Variants in ULK4 observed in about 807,000 individuals in gnomAD.
ULK4 encodes the protein unc-51 like kinase 4.
A neutral mutation model predicts 160.6 loss-of-function variants in ULK4; 133 were observed. The observed-to-expected ratio is 0.83, with a 90% CI of 0.72 to 0.96. ULK4 has a LOEUF of 0.96. Among genes scored for constraint, ULK4 ranks in the 40% least tolerant of loss-of-function variants. The pLI, the probability that ULK4 is intolerant of heterozygous loss-of-function variation, is 0.00. For synonymous variants in ULK4, 534 were observed against 539.8 expected, an observed-to-expected ratio of 0.99 and a Z score of 0.15; for missense variants, 1,580 against 1,499.5, an observed-to-expected ratio of 1.05 and a Z score of -0.89.
At position 41,561,790 on chromosome 3, in the gene ULK4, G is replaced by A. The variant is rs142129938; in HGVS notation, c.3226+4235C>T. On this transcript the variant is annotated intron_variant, in intron 32 of 36. Transcript: ENST00000301831. ...ACTCTTGCTAGTGGTCTATTAAGTCGTTGATCTTTTGAAAAAACCAGCTCC... is the reference window on the plus strand; with the variant it reads ...ACTCTTGCTAGTGGTCTATTAAGTCATTGATCTTTTGAAAAAACCAGCTCC... Among the ~76,000 whole-genome samples, 717 of 151,956 alleles carry A rather than the reference G, an allele frequency of 4.7e-3. 4 individuals carry two copies. Among genetic ancestry groups the A allele is most frequent in the African/African-American group, 0.016 (680 of 41,470 alleles).
rs561464019 is a variant in ULK4, at chr3:41,528,235, G to T, written c.3226+37790C>A. ...TAGACTCACCCTGAAGAAGCACAAA[G>T]TGACAGACAATTCAAGCTGGAAATC... On this transcript the variant is annotated intron_variant, in intron 32 of 36. Transcript: ENST00000301831. Among the ~76,000 whole-genome samples the T allele has an allele frequency of 3.3e-5, 5 of 152,304 alleles. No individual in the cohort carries two copies. In the East Asian group the frequency reaches 9.6e-4, roughly 29 times the overall value.
chr3:41,532,967 G>C (rs1044901636), intron 32 of ULK4, among the ~76,000 whole-genome samples: 8 of 152,198 alleles, frequency 5.3e-5, no homozygotes, highest in African/African-American at 1.9e-4. Context: ...AAAATGTGAT[G>C]AAATTAACAT....
intron 19 of ULK4, among the ~76,000 whole-genome samples, chr3:41,815,588 T>C (rs1191028195): frequency 1.3e-5 from 2 of 152,172 alleles, no homozygotes; most frequent in East Asian, 3.9e-4. Context: ...TCTTGTGGGA[T>C]TTCCCTCCTG....
intron 35 of ULK4, among the ~76,000 whole-genome samples, chr3:41,344,882 A>C (rs775883233): frequency 1.3e-5 from 2 of 152,104 alleles, no homozygotes; most frequent in Non-Finnish European, 2.9e-5. Context: ...TTTTCAATGT[A>C]TCCATCTGAC....
At chr3:41,739,900 C>A (rs2038186298) in intron 22 of ULK4, among the ~76,000 whole-genome samples, 1 of 151,828 alleles carries the variant, frequency 6.6e-6, no homozygotes, top group Admixed American at 6.6e-5. Flanking sequence ...CTATTCATAT[C>A]ATTATGAATC....
intron 21 of ULK4, among the ~76,000 whole-genome samples, chr3:41,762,973 C>T (rs932058288): frequency 6.6e-6 from 1 of 152,038 alleles, no homozygotes; most frequent in Non-Finnish European, 1.5e-5. Flanking sequence ...AGAAGTGCCG[C>T]ACTTTAAAAC....
intron 32 of ULK4, among the ~76,000 whole-genome samples, chr3:41,468,775 G>T (rs960735550): frequency 1.3e-5 from 2 of 152,166 alleles, no homozygotes; most frequent in African/African-American, 2.4e-5. Flanking sequence ...AGAACCAGAG[G>T]TGGACAACCA....
intron 32 of ULK4, among the ~76,000 whole-genome samples, chr3:41,546,378 C>T (rs987510964): frequency 3.3e-5 from 5 of 152,088 alleles, no homozygotes; most frequent in Non-Finnish European, 7.4e-5. Context: ...TATTCTAAAG[C>T]AGGTCTGTAG....
At chr3:41,831,531 A>ATATATATATATATATATTTTTTTT in intron 18 of ULK4, among the ~76,000 whole-genome samples, 11 of 138,106 alleles carry the variant, frequency 8.0e-5, no homozygotes, top group African/African-American at 2.6e-4. Flanking sequence ...ATATATATAT[A>ATATATATATATATATATTTTTTTT]TTTTTTTTTC....
At position 41,819,497 on chromosome 3, in the gene ULK4, T is replaced by C; in HGVS notation, c.1774A>G (p.Lys592Glu). 6.2e-7 allele frequency: 1 copy of C among 1,602,000 alleles called. No homozygotes were observed. Among genetic ancestry groups the C allele is most frequent in the Non-Finnish European group, 8.5e-7 (1 of 1,178,308 alleles). ...IYLVATQEEK[K>E]KNPRECWAVP... ...GCCCAGCACTCTCTAGGGTTCTTTT[T>C]TTTTTCTTCCTAAAATGAAGTGGGA... Residue 592 changes from lysine (K) to glutamate (E), a missense_variant, in exon 19 of 37, where the codon AAA (lysine) becomes GAA (glutamate). Lys to Glu is a moderately conservative substitution (Grantham distance 56, BLOSUM62 1). Coordinates refer to ENST00000301831, the MANE Select transcript of ULK4 (RefSeq NM_017886.4).
intron 35 of ULK4, among the ~76,000 whole-genome samples, chr3:41,274,447 C>T (rs1222054521): frequency 2.0e-5 from 3 of 152,194 alleles, no homozygotes; most frequent in Non-Finnish European, 1.5e-5. Flanking sequence ...GTGCTCTGCG[C>T]TGCCCACTTA....
chr3:41,470,022 A>C (rs2125885566), intron 32 of ULK4, among the ~76,000 whole-genome samples: 1 of 123,642 alleles, frequency 8.1e-6, no homozygotes, highest in South Asian at 2.6e-4. Context: ...AGAACAGAAA[A>C]AAAAAAAAAA....
intron 31 of ULK4, among the ~76,000 whole-genome samples, chr3:41,586,799 G>A (rs1394288683): frequency 2.0e-5 from 3 of 151,890 alleles, no homozygotes; most frequent in African/African-American, 7.3e-5. Flanking sequence ...AGGAAAAGAT[G>A]AAAAGAACTT....
chr3:41,559,046 G>A (rs992142298), intron 32 of ULK4, among the ~76,000 whole-genome samples: 29 of 140,364 alleles, frequency 2.1e-4, no homozygotes, highest in African/African-American at 7.7e-4. Flanking sequence ...CCCACAACAG[G>A]CCCCGGTGTA....
intron 35 of ULK4, among the ~76,000 whole-genome samples, chr3:41,285,893 A>G (rs2079448086): frequency 1.3e-5 from 2 of 152,194 alleles, no homozygotes; most frequent in Non-Finnish European, 2.9e-5. Context: ...TGAATATCTA[A>G]CACTTTCTGC....
chr3:41,286,772 T>C (rs2079467466), intron 35 of ULK4, among the ~76,000 whole-genome samples: 1 of 152,156 alleles, frequency 6.6e-6, no homozygotes, highest in African/African-American at 2.4e-5. Flanking sequence ...CTTCCCACAC[T>C]TGTGGCCTCC....
intron 19 of ULK4, among the ~76,000 whole-genome samples, chr3:41,818,380 T>C: frequency 6.6e-6 from 1 of 152,244 alleles, no homozygotes; most frequent in Non-Finnish European, 1.5e-5. Flanking sequence ...ATTTTTATTT[T>C]CACTCCCACA....
intron 33 of ULK4, among the ~76,000 whole-genome samples, chr3:41,461,660 TA>T (rs2083686850): frequency 6.6e-6 from 1 of 152,230 alleles, no homozygotes; most frequent in Non-Finnish European, 1.5e-5. Flanking sequence ...AAATATTTTG[TA>T]TTAAGGAGTT....
At chr3:41,879,593 T>C (rs1339522443) in intron 17 of ULK4, among the ~76,000 whole-genome samples, 1 of 151,884 alleles carries the variant, frequency 6.6e-6, no homozygotes, top group Non-Finnish European at 1.5e-5. Flanking sequence ...CCTCCCAGGG[T>C]CATGTCTCAG....
Sources: allele counts gnomAD v4.1 joint callset (sites outside exome capture counted in the v4.1 genomes callset), GRCh38; gene constraint gnomAD v4.1.1; transcripts MANE v1.5; gene names NCBI Gene and HGNC (gene_info 2026-07-23, HGNC 2026-07-21).